The following PDE5A variants were observed in gnomAD, a reference collection of about 807,000 sequenced individuals.
PDE5A encodes phosphodiesterase 5A.
Under a neutral mutation model 110.2 loss-of-function variants are expected in PDE5A, and 67 were observed. The observed-to-expected ratio is 0.61, with a 90% CI of 0.50 to 0.75. PDE5A has a LOEUF of 0.75. Among genes scored for constraint, PDE5A ranks in the 30% least tolerant of loss-of-function variants. The pLI is 0.00. For synonymous variants in PDE5A, 328 were observed against 351.2 expected (o/e 0.93, Z 0.74); for missense variants, 862 against 1,045.1 (o/e 0.82, Z 2.42).
intron 3 of PDE5A, among the ~76,000 whole-genome samples, chr4:119,594,706 A>T (rs1282167828): frequency 6.6e-6 from 1 of 152,208 alleles, no homozygotes; most frequent in Non-Finnish European, 1.5e-5. Flanking sequence ...TCATTGCTGC[A>T]GGCATTTTTA....
intron 2 of PDE5A, among the ~76,000 whole-genome samples, chr4:119,606,382 TG>T (rs759795969): frequency 1.2e-4 from 18 of 152,112 alleles, no homozygotes; most frequent in Non-Finnish European, 2.4e-4. Flanking sequence ...ATAACATAGA[TG>T]GGGATATGTA....
chr4:119,593,687 T>C (rs1298572289), intron 3 of PDE5A, among the ~76,000 whole-genome samples: 3 of 152,196 alleles, frequency 2.0e-5, no homozygotes, highest in Non-Finnish European at 4.4e-5. Context: ...TATACATATC[T>C]CAAATTCATC....
intron 12 of PDE5A, among the ~76,000 whole-genome samples, chr4:119,523,363 A>G (rs1310901168): frequency 7.1e-6 from 1 of 140,796 alleles, no homozygotes; most frequent in East Asian, 2.3e-4. Context: ...TGCAGAGAAC[A>G]TGAAGATCTT....
rs1438011874 is a variant in PDE5A at position 119,501,199 on chromosome 4, T to C, written c.2461A>G (p.Ile821Val). ...TACAGTTGCAAGCAGATGGCATCTA[T>C]GAACCCAACTTGCATACTTGGGATT... ...NKIPSMQVGF[I>V]DAICLQLYEA... Residue 821 changes from isoleucine (I) to valine (V), a missense_variant, in exon 20 of 21, where the codon ATA becomes GTA. By Grantham distance (29) the Ile-to-Val change is conservative (BLOSUM62 3). Coordinates refer to ENST00000354960, the MANE Select transcript of PDE5A (RefSeq NM_001083.4). 1 of 1,612,194 alleles carries C rather than the reference T, an allele frequency of 6.2e-7. No homozygotes were observed.
At chr4:119,504,845 G>T (rs375470686) in intron 17 of PDE5A, among the ~76,000 whole-genome samples, 11 of 152,016 alleles carry the variant, frequency 7.2e-5, no homozygotes, top group Admixed American at 3.9e-4. Flanking sequence ...TTTAGCTCCA[G>T]ATTGGCAGAC....
intron 3 of PDE5A, among the ~76,000 whole-genome samples, chr4:119,571,780 T>C (rs534895908): frequency 6.6e-6 from 1 of 152,370 alleles, no homozygotes; most frequent in African/African-American, 2.4e-5. Flanking sequence ...TTATCTCTTC[T>C]GTTTCACTAT....
chr4:119,627,139 G>T lies in PDE5A; in HGVS notation c.152+1381C>A, dbSNP rs1462330674. The T allele has an allele frequency of 4.3e-6, 7 of 1,612,544 alleles. No individual in the cohort carries two copies. The highest frequency in any genetic ancestry group is 5.9e-6 in the Non-Finnish European group (7 of 1,179,254). Reference sequence around the variant, plus strand: ...GTGGGAAGGGACGTAGGGGGATGCTGAAGGAAGTACCTTGTTTTGTCTCCA... The same window carrying T: ...GTGGGAAGGGACGTAGGGGGATGCTTAAGGAAGTACCTTGTTTTGTCTCCA... On this transcript the variant is annotated intron_variant, in intron 1 of 20. Coordinates refer to ENST00000354960, the MANE Select transcript of PDE5A (RefSeq NM_001083.4). This position sits in a 1 kb window ranked among gnomAD's most constrained non-coding sequence, Gnocchi z 4.6.
intron 9 of PDE5A, chr4:119,548,716 T>C (rs1041148389): frequency 6.6e-6 from 1 of 152,226 alleles, no homozygotes; most frequent in African/African-American, 2.4e-5. Context: ...ACATTGTTTT[T>C]ATTATATAGA....
At chr4:119,576,375 A>T (rs1019206332) in intron 3 of PDE5A, among the ~76,000 whole-genome samples, 14 of 152,230 alleles carry the variant, frequency 9.2e-5, no homozygotes, top group African/African-American at 3.4e-4. Context: ...CCAAATCAAC[A>T]GAATATACAC....
intron 3 of PDE5A, among the ~76,000 whole-genome samples, chr4:119,580,594 T>C (rs1728555867): frequency 6.6e-6 from 1 of 152,200 alleles, no homozygotes; most frequent in Non-Finnish European, 1.5e-5. Flanking sequence ...CACTGTCACA[T>C]TCCTCATCTC....
At chr4:119,592,266 T>C (rs1578807427) in intron 3 of PDE5A, among the ~76,000 whole-genome samples, 1 of 148,578 alleles carries the variant, frequency 6.7e-6, no homozygotes, top group African/African-American at 2.5e-5. Context: ...CTATCCTGGC[T>C]AACACGGTGA....
chr4:119,622,017 A>C (rs750282490), intron 1 of PDE5A, among the ~76,000 whole-genome samples: 12 of 151,930 alleles, frequency 7.9e-5, no homozygotes, highest in Non-Finnish European at 1.2e-4. Context: ...AAAAAAAAAT[A>C]CAAAACATTA....
In PDE5A at chr4:119,556,364, T is replaced by C. The variant is rs563306858; in HGVS notation, c.1200-2618A>G. On this transcript the variant is annotated intron_variant, in intron 7 of 20. Coordinates refer to ENST00000354960, the MANE Select transcript of PDE5A (RefSeq NM_001083.4). ...CAGTCCCCCATCCTACTGTTTAAAA[T>C]GTGGATATAATGACTGGAGCTGCAT... 1.3e-4 allele frequency among the ~76,000 whole-genome samples: 20 copies of C among 152,226 alleles called. No homozygotes were observed. The South Asian group carries it at 4.1e-3, about 32-fold the overall frequency.
chr4:119,507,827 CTT>C lies in PDE5A; in HGVS notation c.2089-125_2089-124del. On this transcript the variant is annotated intron_variant, in intron 15 of 20. Coordinates refer to ENST00000354960, the MANE Select transcript of PDE5A (RefSeq NM_001083.4). ...TATTCTAATGAATGTGGAGGACACA[CTT>C]AAATACCATGAAATAAAGTTTCCCC... 1.4e-5 allele frequency: 9 copies of C among 646,690 alleles called. No individual in the cohort carries two copies. In the South Asian group the frequency reaches 1.6e-4, roughly 12 times the overall value. The allele number at this position is 646,690 out of a possible 1,614,324, so 40.1% of individuals were successfully genotyped here.
At chr4:119,625,586 A>T (rs1199348309) in intron 1 of PDE5A, among the ~76,000 whole-genome samples, 1 of 152,192 alleles carries the variant, frequency 6.6e-6, no homozygotes, top group African/African-American at 2.4e-5. Flanking sequence ...GGTGAATATA[A>T]ATATATTTTA....
chr4:119,578,008 T>C (rs926916489), intron 3 of PDE5A, among the ~76,000 whole-genome samples: 3 of 152,136 alleles, frequency 2.0e-5, no homozygotes, highest in East Asian at 3.9e-4. Context: ...ACAAAATCGA[T>C]GGGCAAAAAT....
intron 3 of PDE5A, among the ~76,000 whole-genome samples, chr4:119,577,431 T>A (rs1411239402): frequency 1.3e-5 from 2 of 152,090 alleles, no homozygotes; most frequent in African/African-American, 4.8e-5. Context: ...GATGCAAAAA[T>A]CCTCAATAAA....
intron 11 of PDE5A, among the ~76,000 whole-genome samples, chr4:119,536,874 C>A (rs1274117559): frequency 6.6e-6 from 1 of 152,150 alleles, no homozygotes; most frequent in African/African-American, 2.4e-5. Context: ...TAGAAACTCT[C>A]TAAGCCACAA....
At chr4:119,623,699 A>T (rs1200503263) in intron 1 of PDE5A, among the ~76,000 whole-genome samples, 4 of 152,224 alleles carry the variant, frequency 2.6e-5, no homozygotes, top group Non-Finnish European at 5.9e-5. Flanking sequence ...AGCATAATCA[A>T]AATACTAAAA....
Sources: gnomAD v4.1 joint callset for allele counts (sites outside exome capture counted in the v4.1 genomes callset) on GRCh38, gnomAD v4.1.1 for gene constraint, Gnocchi (gnomAD v3.1) non-coding constraint, MANE v1.5 for transcripts, NCBI Gene and HGNC (gene_info 2026-07-23, HGNC 2026-07-21) for gene names.